TCEANC2: variants seen among roughly 807,000 people sequenced by gnomAD.
The protein encoded by TCEANC2 is transcription elongation factor A N-terminal and central domain-containing protein 2.
Under a neutral mutation model 22.8 loss-of-function variants are expected in TCEANC2, and 20 were observed. The ratio of observed to expected loss-of-function variants is 0.88; its 90% CI spans 0.62 to 1.28. The LOEUF (loss-of-function observed/expected upper bound fraction) is 1.28. TCEANC2 is among the 50% of genes most tolerant of loss of function. The pLI, the probability that TCEANC2 is intolerant of heterozygous loss-of-function variation, is 0.00. For missense variants in TCEANC2, 251 were observed against 249.7 expected (o/e 1.01, Z -0.03); for synonymous variants, 84 against 95.5 (o/e 0.88, Z 0.70).
intron 2 of TCEANC2, among the ~76,000 whole-genome samples, chr1:54,063,538 A>C (rs1353659165): frequency 6.6e-6 from 1 of 152,220 alleles, no homozygotes; most frequent in Non-Finnish European, 1.5e-5. Flanking sequence ...AGATTACTAT[A>C]CAGGTTGAGC....
downstream of TCEANC2, among the ~76,000 whole-genome samples, chr1:54,107,572 G>A (rs572539208): frequency 6.6e-6 from 1 of 152,006 alleles, no homozygotes; most frequent in South Asian, 2.1e-4. Flanking sequence ...AATTTGGAAG[G>A]CTTCTTTAAG....
intron 3 of TCEANC2, among the ~76,000 whole-genome samples, chr1:54,079,724 C>A (rs1455825274): frequency 6.6e-6 from 1 of 152,168 alleles, no homozygotes; most frequent in Non-Finnish European, 1.5e-5. Context: ...GGGTACTTAA[C>A]CTTAATCACA....
intron 3 of TCEANC2, among the ~76,000 whole-genome samples, chr1:54,085,786 T>C (rs553530524): frequency 6.6e-6 from 1 of 152,284 alleles, no homozygotes; most frequent in African/African-American, 2.4e-5. Flanking sequence ...CAGGCTGGAG[T>C]GCAGTGGCAT....
Position 54,054,432 on chromosome 1 carries a change from T to G in TCEANC2, c.10T>G (p.Phe4Val), listed in dbSNP as rs1657701302. The G allele has an allele frequency of 1.2e-6, 2 of 1,614,068 alleles. No homozygotes were observed. The highest frequency in any genetic ancestry group is 1.7e-6 in the Non-Finnish European group (2 of 1,179,998). MDKFVIRTPRIQNS... is the reference protein window; with the variant it reads MDKVVIRTPRIQNS... ...TCGGAGTCCCCTAACAATGGATAAATTCGTCATTCGAACGCCTAGAATCCA... is the reference window on the plus strand; with the variant it reads ...TCGGAGTCCCCTAACAATGGATAAAGTCGTCATTCGAACGCCTAGAATCCA... The change falls in exon 2 of 5, where the codon TTC (phenylalanine) becomes GTC (valine). Residue 4 changes from phenylalanine (F) to valine (V), a missense_variant. By Grantham distance (50) the Phe-to-Val change is conservative (BLOSUM62 -1). Transcript: ENST00000234827.
intron 3 of TCEANC2, among the ~76,000 whole-genome samples, chr1:54,085,136 A>G (rs1350148065): frequency 6.6e-6 from 1 of 152,164 alleles, no homozygotes; most frequent in South Asian, 2.1e-4. Context: ...TTAGAGGGAG[A>G]AGTTAAAGAC....
intron 3 of TCEANC2, among the ~76,000 whole-genome samples, chr1:54,088,102 T>C (rs563369229): frequency 2.6e-5 from 4 of 152,214 alleles, no homozygotes; most frequent in Admixed American, 6.5e-5. Flanking sequence ...AATTTCCCCA[T>C]CAGACTCATT....
chr1:54,077,155 T>C (rs1658158905), intron 3 of TCEANC2, among the ~76,000 whole-genome samples: 1 of 152,160 alleles, frequency 6.6e-6, no homozygotes, highest in South Asian at 2.1e-4. Flanking sequence ...GGATTGACCA[T>C]AGAGGTGAGG....
intron 3 of TCEANC2, among the ~76,000 whole-genome samples, chr1:54,073,822 C>G (rs907957505): frequency 1.3e-5 from 2 of 152,054 alleles, no homozygotes; most frequent in African/African-American, 4.8e-5. Flanking sequence ...GATGGAGTAT[C>G]AATCATGGGG....
intron 3 of TCEANC2, among the ~76,000 whole-genome samples, chr1:54,073,496 ACC>A (rs1324414840): frequency 6.6e-6 from 1 of 151,834 alleles, no homozygotes; most frequent in Non-Finnish European, 1.5e-5. Flanking sequence ...CCTTAGGATA[ACC>A]CCACCCCTCC....
intron 2 of TCEANC2, among the ~76,000 whole-genome samples, chr1:54,057,235 T>G (rs1657768331): frequency 6.6e-6 from 1 of 150,470 alleles, no homozygotes; most frequent in South Asian, 2.1e-4. Context: ...TTTGTTTTTT[T>G]TTTTTTTTTA....
intron 2 of TCEANC2, among the ~76,000 whole-genome samples, chr1:54,066,859 C>T (rs1330418516): frequency 6.6e-6 from 1 of 152,066 alleles, no homozygotes; most frequent in Non-Finnish European, 1.5e-5. Flanking sequence ...TTTACTAATA[C>T]CCCTAAAGAC....
chr1:54,064,015 A>G (rs777643652), intron 2 of TCEANC2, among the ~76,000 whole-genome samples: 1 of 152,248 alleles, frequency 6.6e-6, no homozygotes, highest in South Asian at 2.1e-4. Context: ...AACTGAGAAA[A>G]TTCAAATCTT....
intron 4 of TCEANC2, among the ~76,000 whole-genome samples, chr1:54,091,928 T>C (rs181816146): frequency 6.6e-5 from 10 of 152,372 alleles, no homozygotes; most frequent in Admixed American, 5.9e-4. Context: ...TTAAGAGTTA[T>C]GAAACACTGG....
rs1002607651 is a variant in TCEANC2 at position 54,099,915 on chromosome 1, G to C, written c.*3442G>C. 4 of 152,138 alleles carry C rather than the reference G, an allele frequency of 2.6e-5. No individual in the cohort carries two copies. The highest frequency in any genetic ancestry group is 9.7e-5 in the African/African-American group (4 of 41,412). The allele number at this position is 152,138 out of a possible 1,614,324, so 9.4% of individuals were successfully genotyped here. On this transcript the variant is annotated 3_prime_UTR_variant, in exon 5 of 5. Coordinates refer to ENST00000234827, the MANE Select transcript of TCEANC2 (RefSeq NM_153035.3). ...AATACCATTTGTGTCTGCTCTAATA[G>C]CTTATTGATGCTTTTCTTGTAGTGG...
At chr1:54,079,760 G>A (rs1208092446) in intron 3 of TCEANC2, among the ~76,000 whole-genome samples, 1 of 152,132 alleles carries the variant, frequency 6.6e-6, no homozygotes, top group Non-Finnish European at 1.5e-5. Context: ...GCCATGTAAG[G>A]TAACGTAGTC....
intron 2 of TCEANC2, among the ~76,000 whole-genome samples, chr1:54,058,663 G>C (rs1326257743): frequency 6.6e-6 from 1 of 152,038 alleles, no homozygotes; most frequent in African/African-American, 2.4e-5. Flanking sequence ...TTGTTTGTTT[G>C]CTTGTTTGTT....
At chr1:54,055,561 T>C (rs1333314855) in intron 2 of TCEANC2, among the ~76,000 whole-genome samples, 1 of 152,244 alleles carries the variant, frequency 6.6e-6, no homozygotes, top group Admixed American at 6.5e-5. Flanking sequence ...TTGGCCAGGA[T>C]GACATTATCC....
chr1:54,075,675 C>G (rs1658131497), intron 3 of TCEANC2, among the ~76,000 whole-genome samples: 1 of 152,106 alleles, frequency 6.6e-6, no homozygotes, highest in Non-Finnish European at 1.5e-5. Context: ...TAGAGGTTTT[C>G]AGTATACTTT....
At chr1:54,092,878 G>A (rs1320022311) in intron 4 of TCEANC2, among the ~76,000 whole-genome samples, 1 of 149,544 alleles carries the variant, frequency 6.7e-6, no homozygotes, top group Admixed American at 6.6e-5. Context: ...AGAATTAGCT[G>A]TATAACACAC....
Sources: gnomAD v4.1 joint callset for allele counts (sites outside exome capture counted in the v4.1 genomes callset) on GRCh38, gnomAD v4.1.1 for gene constraint, MANE v1.5 for transcripts, NCBI Gene and HGNC (gene_info 2026-07-23, HGNC 2026-07-21) for gene names.